The following NFAT5 variants were observed in gnomAD, a reference collection of about 807,000 sequenced individuals.
NFAT5 encodes nuclear factor of activated T-cells 5.
Under a neutral mutation model 166.5 loss-of-function variants are expected in NFAT5, and 31 were observed. The ratio of observed to expected loss-of-function variants is 0.19; its 90% CI spans 0.14 to 0.25. The LOEUF is 0.25. NFAT5 is among the 10% of genes least tolerant of loss of function. The pLI, the probability that NFAT5 is intolerant of heterozygous loss-of-function variation, is 1.00. For missense variants in NFAT5, 1,449 were observed against 1,821.8 expected (o/e 0.80, Z 3.72); for synonymous variants, 612 against 639.7 (o/e 0.96, Z 0.65).
At chr16:69,687,185 T>C (rs1221847406) in intron 11 of NFAT5, among the ~76,000 whole-genome samples, 1 of 152,088 alleles carries the variant, frequency 6.6e-6, no homozygotes, top group African/African-American at 2.4e-5. Context: ...CTCACACCTG[T>C]AATCCCAGCA....
At chr16:69,579,123 C>G (rs936198822) in intron 2 of NFAT5, among the ~76,000 whole-genome samples, 1 of 152,146 alleles carries the variant, frequency 6.6e-6, no homozygotes, top group East Asian at 1.9e-4. Flanking sequence ...ATCCGCCTGT[C>G]TCAGCCTCCC....
intron 3 of NFAT5, among the ~76,000 whole-genome samples, chr16:69,643,457 A>T (rs906087438): frequency 6.6e-5 from 10 of 151,652 alleles, no homozygotes; most frequent in Non-Finnish European, 1.3e-4. Context: ...GATTTTTTTC[A>T]TGGTAAATTT....
chr16:69,571,921 G>A (rs148711830), intron 2 of NFAT5, among the ~76,000 whole-genome samples: 3 of 151,878 alleles, frequency 2.0e-5, no homozygotes, highest in Admixed American at 2.0e-4. Context: ...CACCACGCCC[G>A]GCTAATTTTT....
chr16:69,699,957 C>A lies in NFAT5; in HGVS notation c.*3606C>A, dbSNP rs980224184. ...GTCATATTTTGCCTCTAAGCTTGAT[C>A]ATGTTACCTTTATGATTAAAGTATC... On this transcript the variant is annotated 3_prime_UTR_variant, in exon 15 of 15. Transcript: ENST00000349945. 1 of 152,030 alleles carries A rather than the reference C, an allele frequency of 6.6e-6. No homozygotes were observed. The highest frequency in any genetic ancestry group is 1.5e-5 in the Non-Finnish European group (1 of 68,020). The allele number at this position is 152,030 out of a possible 1,614,324, so 9.4% of individuals were successfully genotyped here. A position where few individuals can be genotyped will look rare whatever the true frequency, so the allele number is the denominator to read the frequency against.
At chr16:69,679,877 G>A (rs1032870298) in intron 10 of NFAT5, among the ~76,000 whole-genome samples, 6 of 152,136 alleles carry the variant, frequency 3.9e-5, no homozygotes, top group Non-Finnish European at 7.4e-5. Flanking sequence ...CCAGCACTTC[G>A]GGAGGCCAAG....
intron 1 of NFAT5, 135 bp from the exon 2 acceptor site, chr16:69,568,346 ATGTGTGTGTGTGTG>A: frequency 5.8e-6 from 1 of 172,500 alleles, no homozygotes; most frequent in South Asian, 1.5e-4. Context: ...ATATATATAT[ATGTGTGTGTGTGTG>A]TGTGTGTGTG....
intron 2 of NFAT5, among the ~76,000 whole-genome samples, chr16:69,591,524 T>TA (rs1444629847): frequency 6.6e-6 from 1 of 152,250 alleles, no homozygotes. Flanking sequence ...TTCCTCTTTT[T>TA]ATCCTCATTT....
intron 2 of NFAT5, among the ~76,000 whole-genome samples, chr16:69,575,610 CCT>C (rs974615188): frequency 6.6e-6 from 1 of 151,008 alleles, no homozygotes; most frequent in African/African-American, 2.4e-5. Context: ...AGAGCAAGAC[CCT>C]GTCTTAAAAA....
chr16:69,635,233 A>G (rs906565069), intron 3 of NFAT5, among the ~76,000 whole-genome samples: 7 of 150,436 alleles, frequency 4.7e-5, no homozygotes, highest in Middle Eastern at 3.2e-3. Context: ...CTGGTCTTGA[A>G]CTCCGGACCT....
intron 3 of NFAT5, among the ~76,000 whole-genome samples, chr16:69,633,867 G>A (rs568064050): frequency 1.3e-5 from 2 of 152,046 alleles, no homozygotes; most frequent in African/African-American, 4.8e-5. Context: ...TAAATATTTA[G>A]ATAATGGATA....
At chr16:69,574,828 C>T (rs2016646862) in intron 2 of NFAT5, among the ~76,000 whole-genome samples, 1 of 151,898 alleles carries the variant, frequency 6.6e-6, no homozygotes, top group Non-Finnish European at 1.5e-5. Context: ...ACCACCATGT[C>T]CAGCTAATTT....
At chr16:69,668,777 C>A (rs1222846747) in intron 7 of NFAT5, among the ~76,000 whole-genome samples, 2 of 152,130 alleles carry the variant, frequency 1.3e-5, no homozygotes, top group Non-Finnish European at 2.9e-5. Flanking sequence ...CTCCCAGGTT[C>A]AAGAGATTCT....
At chr16:69,620,569 A>G (rs536956615) in intron 2 of NFAT5, among the ~76,000 whole-genome samples, 31 of 152,318 alleles carry the variant, frequency 2.0e-4, no homozygotes, top group Admixed American at 1.8e-3. Context: ...CCGCGTCTCT[A>G]CAAAAAAATT....
chr16:69,659,128 ATTTTTTTT>A (rs1226607304), intron 6 of NFAT5, among the ~76,000 whole-genome samples: 51 of 146,356 alleles, frequency 3.5e-4, no homozygotes, highest in African/African-American at 1.2e-3. Flanking sequence ...GTATTTTTTT[ATTTTTTTT>A]TTTTTTTTAA....
chr16:69,686,882 C>T (rs1337465207), intron 11 of NFAT5, among the ~76,000 whole-genome samples: 1 of 117,926 alleles, frequency 8.5e-6, no homozygotes, highest in Non-Finnish European at 1.7e-5. Flanking sequence ...ATATAAATCA[C>T]ATATGAGAAA....
intron 1 of NFAT5, 113 bp from the exon 2 acceptor site, chr16:69,568,368 GTGTGTGTGTATATA>G (rs1236229708): frequency 1.2e-4 from 45 of 389,318 alleles, no homozygotes; most frequent in African/African-American, 9.6e-4. Context: ...GTGTGTGTGT[GTGTGTGTGTATATA>G]TATATATATA....
rs1041633102 is a variant in NFAT5 at position 69,704,161 on chromosome 16, C to T, written c.*7810C>T. ...GATTCCAGTGAACTTGATCTAATTT[C>T]TTTTGATCTAATGAATGTGTCTGCT... On this transcript the variant is annotated 3_prime_UTR_variant, in exon 15 of 15. Coordinates refer to ENST00000349945, the MANE Select transcript of NFAT5 (RefSeq NM_138713.4). 3.3e-5 allele frequency: 5 copies of T among 152,682 alleles called. No homozygotes were observed. Among genetic ancestry groups the T allele is most frequent in the African/African-American group, 9.6e-5 (4 of 41,572 alleles). 9.5% of individuals were successfully genotyped at this position (152,682 alleles called of 1,614,324 possible).
chr16:69,622,884 G>T (rs1433552244), intron 2 of NFAT5, among the ~76,000 whole-genome samples: 1 of 151,074 alleles, frequency 6.6e-6, no homozygotes, highest in Non-Finnish European at 1.5e-5. Flanking sequence ...GGTGGCTCAC[G>T]CCTGTAATCC....
At chr16:69,646,728 A>G (rs751376024) in intron 3 of NFAT5, 10 of 257,058 alleles carry the variant, frequency 3.9e-5, no homozygotes, top group Non-Finnish European at 7.1e-5. Context: ...AAAATTCAAT[A>G]GAATGTCCAG....
Sources: allele counts gnomAD v4.1 joint callset (sites outside exome capture counted in the v4.1 genomes callset), GRCh38; gene constraint gnomAD v4.1.1; transcripts MANE v1.5; gene names NCBI Gene and HGNC (gene_info 2026-07-23, HGNC 2026-07-21).